GFRA2: variants seen among roughly 807,000 people sequenced by gnomAD.
The protein encoded by GFRA2 is GDNF family receptor alpha-2.
GFRA2 carries 17 observed loss-of-function variants against 48.3 expected under a neutral mutation model. The ratio of observed to expected loss-of-function variants is 0.35; its 90% CI spans 0.24 to 0.53. The LOEUF is 0.53. Among genes scored for constraint, GFRA2 ranks in the 20% least tolerant of loss-of-function variants. GFRA2 has a pLI of 0.93. For synonymous variants in GFRA2, 305 were observed against 257.2 expected, an observed-to-expected ratio of 1.19 and a Z score of -1.78; for missense variants, 660 against 637.3, an observed-to-expected ratio of 1.04 and a Z score of -0.38.
At chr8:21,729,083 T>G (rs546755097) in intron 4 of GFRA2, among the ~76,000 whole-genome samples, 2 of 152,196 alleles carry the variant, frequency 1.3e-5, no homozygotes, top group Non-Finnish European at 2.9e-5. Flanking sequence ...GCAGCCCAGG[T>G]GACTCTCTGC....
At chr8:21,744,473 G>A (rs1049710569) in intron 4 of GFRA2, among the ~76,000 whole-genome samples, 7 of 151,892 alleles carry the variant, frequency 4.6e-5, no homozygotes, top group East Asian at 3.9e-4. Context: ...TCAGAGGACC[G>A]CTTCCAAATG....
intron 4 of GFRA2, among the ~76,000 whole-genome samples, chr8:21,747,811 C>T (rs907147276): frequency 1.3e-5 from 2 of 151,728 alleles, no homozygotes; most frequent in Admixed American, 6.6e-5. Context: ...CGCATGCACA[C>T]ACATAAACAT....
chr8:21,705,085 A>C lies in GFRA2; in HGVS notation c.945T>G (p.Thr315=). 1.9e-6 allele frequency: 3 copies of C among 1,611,164 alleles called. No individual in the cohort carries two copies. The highest frequency in any genetic ancestry group is 2.5e-6 in the Non-Finnish European group (3 of 1,179,220). The change falls in exon 6 of 9, where the codon ACT becomes ACG. Residue 315 remains threonine (T), a synonymous_variant. Coordinates refer to ENST00000524240, the MANE Select transcript of GFRA2 (RefSeq NM_001495.5). ...MTPNYVDSSP[T]GIVVSPWCSC... is the part of the protein sequence containing the mutation. ...TGCACCAGGGGGACACCACGATGCC[A>C]GTGGGGCTGGAGTCCACATAGTTAG...
At chr8:21,757,052 A>T (rs6587005) in intron 3 of GFRA2, among the ~76,000 whole-genome samples, 1 of 152,200 alleles carries the variant, frequency 6.6e-6, no homozygotes, top group African/African-American at 2.4e-5. Context: ...CCCAACCTCC[A>T]GCTCCTGGCC....
At chr8:21,766,946 C>A (rs372293331) in intron 3 of GFRA2, among the ~76,000 whole-genome samples, 1 of 146,700 alleles carries the variant, frequency 6.8e-6, no homozygotes, top group Non-Finnish European at 1.5e-5. Flanking sequence ...TACACACACT[C>A]CACCACCGAC....
At chr8:21,694,222 G>A (rs1802043855) in intron 8 of GFRA2, among the ~76,000 whole-genome samples, 1 of 151,574 alleles carries the variant, frequency 6.6e-6, no homozygotes, top group East Asian at 2.0e-4. Flanking sequence ...GAAGGCATGG[G>A]AGGGCCTCTG....
chr8:21,703,944 C>G (rs1294666787), intron 6 of GFRA2, among the ~76,000 whole-genome samples: 1 of 152,262 alleles, frequency 6.6e-6, no homozygotes, highest in Non-Finnish European at 1.5e-5. Context: ...GATCTGATCT[C>G]ACACCCTTGC....
intron 2 of GFRA2, among the ~76,000 whole-genome samples, chr8:21,781,342 G>A (rs1303643074): frequency 1.3e-5 from 2 of 151,758 alleles, no homozygotes; most frequent in East Asian, 1.9e-4. Flanking sequence ...CACCACCCAC[G>A]ACACACCACC....
intron 4 of GFRA2, among the ~76,000 whole-genome samples, chr8:21,743,589 G>A (rs1161742214): frequency 3.3e-5 from 5 of 152,094 alleles, no homozygotes; most frequent in East Asian, 3.9e-4. Flanking sequence ...TCCCCCAATC[G>A]AACACAATGC....
At chr8:21,729,037 G>T (rs1250984681) in intron 4 of GFRA2, among the ~76,000 whole-genome samples, 1 of 152,252 alleles carries the variant, frequency 6.6e-6, no homozygotes, top group Non-Finnish European at 1.5e-5. Flanking sequence ...TTCAAGACCA[G>T]AGCAGGACGG....
chr8:21,737,667 C>T (rs1563238075), intron 4 of GFRA2, among the ~76,000 whole-genome samples: 1 of 152,170 alleles, frequency 6.6e-6, no homozygotes, highest in Non-Finnish European at 1.5e-5. Flanking sequence ...CCTCCCCCTC[C>T]TGTCCTCTTC....
chr8:21,744,550 A>AACAC (rs71721911), intron 4 of GFRA2, among the ~76,000 whole-genome samples: 11,344 of 140,100 alleles, frequency 0.081, 529 homozygotes, highest in Middle Eastern at 0.14. Flanking sequence ...AACCACCACC[A>AACAC]ACACACACAC....
chr8:21,794,355 A>C (rs1362349572), intron 2 of GFRA2, among the ~76,000 whole-genome samples: 2 of 141,842 alleles, frequency 1.4e-5, no homozygotes, highest in African/African-American at 5.3e-5. Flanking sequence ...TGTTCAAGTG[A>C]TTGGCCTACC....
At chr8:21,809,619 G>T (rs531967465) in intron 1 of GFRA2, among the ~76,000 whole-genome samples, 2 of 152,092 alleles carry the variant, frequency 1.3e-5, no homozygotes, top group African/African-American at 4.8e-5. Context: ...GAGCCACCGC[G>T]CCCGGCCAAC....
chr8:21,738,029 A>G (rs571774514), intron 4 of GFRA2, among the ~76,000 whole-genome samples: 159 of 151,926 alleles, frequency 1.0e-3, no homozygotes, highest in Non-Finnish European at 1.6e-3. Flanking sequence ...AAACTCGCAG[A>G]CACACAAACA....
chr8:21,712,790 C>T (rs1048512149), intron 4 of GFRA2, among the ~76,000 whole-genome samples: 3 of 152,182 alleles, frequency 2.0e-5, no homozygotes, highest in Admixed American at 2.0e-4. Flanking sequence ...GGATCACTCG[C>T]GGTTAGGAGC....
chr8:21,698,654 C>G (rs1427674573), intron 7 of GFRA2, among the ~76,000 whole-genome samples: 1 of 152,190 alleles, frequency 6.6e-6, no homozygotes, highest in Non-Finnish European at 1.5e-5. Context: ...ACACTGTCTC[C>G]ATCACCACAA....
In GFRA2 at chr8:21,706,032, C is replaced by T. The variant is rs764027004; in HGVS notation, c.804G>A (p.Leu268=). The T allele has an allele frequency of 6.4e-7, 1 of 1,566,070 alleles. No individual in the cohort carries two copies. The highest frequency in any genetic ancestry group is 1.2e-5 in the South Asian group (1 of 84,904). The change falls in exon 5 of 9, where the codon CTG becomes CTA. Residue 268 remains leucine (L), a synonymous_variant. Transcript: ENST00000524240. Reference sequence around the variant, plus strand: ...CTCGACAATTGGCATGGAAGTCGGCCAGCCGGGACCTGGTGGTGGGTAGAA... The same window carrying T: ...CTCGACAATTGGCATGGAAGTCGGCTAGCCGGGACCTGGTGGTGGGTAGAA... ...CRTDHLCRSR[L]ADFHANCRAS... is the part of the protein sequence containing the mutation.
intron 4 of GFRA2, among the ~76,000 whole-genome samples, chr8:21,725,566 AAAT>A (rs1215864855): frequency 3.9e-5 from 6 of 152,386 alleles, no homozygotes; most frequent in African/African-American, 1.2e-4. Flanking sequence ...AACTCAAAAT[AAAT>A]AATAATAACT....
Sources: allele counts gnomAD v4.1 joint callset (sites outside exome capture counted in the v4.1 genomes callset), GRCh38; gene constraint gnomAD v4.1.1; transcripts MANE v1.5; gene names NCBI Gene and HGNC (gene_info 2026-07-23, HGNC 2026-07-21).